The following CEP290 variants were observed in gnomAD, a reference collection of about 807,000 sequenced individuals.
CEP290 encodes the protein centrosomal protein of 290 kDa.
In CEP290, 317 loss-of-function variants were observed where a neutral mutation model predicts 344.9. That is an observed-to-expected ratio of 0.92 (90% CI 0.84 to 1.01). The LOEUF is 1.01. CEP290 is among the 50% of genes least tolerant of loss of function. CEP290 has a pLI of 0.00. For synonymous variants in CEP290, 932 were observed against 895.8 expected (o/e 1.04, Z -0.72); for missense variants, 2,754 against 2,761.4 (o/e 1.00, Z 0.06).
In CEP290 at chr12:88,090,567, C is replaced by T. The variant is rs577329808; in HGVS notation, c.3573+161G>A. Among the ~76,000 whole-genome samples the T allele has an allele frequency of 5.9e-5, 9 of 152,222 alleles. No homozygotes were observed. The East Asian group carries it at 1.7e-3, about 29-fold the overall frequency. ...ATCACCTGAACCCAGGTGGTGAAGGCTGCAATGAGCCTTGAATGTACCACT... is the reference window on the plus strand; with the variant it reads ...ATCACCTGAACCCAGGTGGTGAAGGTTGCAATGAGCCTTGAATGTACCACT... On this transcript the variant is annotated intron_variant, in intron 30 of 53. Transcript: ENST00000552810.
In CEP290 at chr12:88,060,075, A is replaced by G; in HGVS notation, c.6523-55T>C. 4.4e-6 allele frequency: 6 copies of G among 1,349,890 alleles called. No individual in the cohort carries two copies. In the South Asian group the frequency reaches 5.6e-5, roughly 13 times the overall value. 83.6% of individuals were successfully genotyped at this position (1,349,890 alleles called of 1,614,324 possible). The stretch of plus-strand genomic sequence containing the variant: ...ATACATTATCAAAACAAGGAAATAA[A>G]AGATAATCTTATAAACTCATAAATC... On this transcript the variant is annotated intron_variant, in intron 47 of 53. Transcript: ENST00000552810.
At chr12:88,062,406 A>G (rs2034545670) in intron 46 of CEP290, among the ~76,000 whole-genome samples, 1 of 152,220 alleles carries the variant, frequency 6.6e-6, no homozygotes, top group East Asian at 1.9e-4. Context: ...AGGACCAGTT[A>G]GCAGTTACCT....
Position 88,121,166 on chromosome 12 carries a change from C to A in CEP290, c.1190G>T (p.Gly397Val). Residue 397 changes from glycine to valine, a missense_variant and splice_region_variant, in exon 14 of 54, where the codon GGT becomes GTT. Gly to Val is a moderately radical substitution (Grantham distance 109). Transcript: ENST00000552810. ...AGTCTGTTGAGAAAGGGTTGAAGCA[C>A]CTACAGAGTAAAAACAAAAATCATG... ...DLKNELQRNKGASTLSQQTHM... is the reference protein window; with the variant it reads ...DLKNELQRNKVASTLSQQTHM... 6.2e-7 allele frequency: 1 copy of A among 1,606,894 alleles called. No homozygotes were observed. Among genetic ancestry groups the A allele is most frequent in the Non-Finnish European group, 8.5e-7 (1 of 1,177,464 alleles).
chr12:88,108,229 T>C (rs548565278), intron 23 of CEP290, among the ~76,000 whole-genome samples: 1 of 152,310 alleles, frequency 6.6e-6, no homozygotes, highest in South Asian at 2.1e-4. Context: ...TATCATTCTC[T>C]TTGCAACTGA....
At chr12:88,111,544 AT>A in intron 21 of CEP290, 149 bp downstream of exon 21, 1 of 839,940 alleles carries the variant, frequency 1.2e-6, no homozygotes, top group Non-Finnish European at 1.7e-6. Flanking sequence ...TCCACTTATA[AT>A]TTTATAAGAG....
intron 18 of CEP290, chr12:88,116,128 T>A (rs144989691): frequency 7.6e-6 from 7 of 915,958 alleles, no homozygotes; most frequent in Middle Eastern, 5.6e-4. Flanking sequence ...GATGAATTGC[T>A]TTTTTGTACA....
chr12:88,089,085 T>C lies in CEP290; in HGVS notation c.3976A>G (p.Lys1326Glu), dbSNP rs377156725. The C allele has an allele frequency of 8.0e-5, 123 of 1,541,706 alleles. No individual in the cohort carries two copies. Among genetic ancestry groups the C allele is most frequent in the Non-Finnish European group, 1.0e-4 (115 of 1,149,218 alleles). Residue 1326 changes from lysine to glutamate, a missense_variant, in exon 31 of 54, where the codon AAG (lysine) becomes GAG (glutamate). Physicochemically the swap from Lys to Glu is moderately conservative, Grantham distance 56. Transcript: ENST00000552810. ...NKTLEMELKL[K>E]GLEELISTLK... ...GTGCTTATTAACTCTTCCAGGCCCT[T>C]TAATTTTAATTCCATCTCCAATGTT... is the stretch of plus-strand genomic sequence containing the variant.
intron 27 of CEP290, among the ~76,000 whole-genome samples, chr12:88,095,255 G>A (rs2037344501): frequency 6.6e-6 from 1 of 152,008 alleles, no homozygotes; most frequent in Non-Finnish European, 1.5e-5. Context: ...TATGTTTTTG[G>A]GTTTGGAGTT....
intron 50 of CEP290, among the ~76,000 whole-genome samples, chr12:88,054,926 G>A (rs1006279954): frequency 1.3e-5 from 2 of 152,126 alleles, no homozygotes; most frequent in South Asian, 2.1e-4. Flanking sequence ...AGGACTTGAC[G>A]CTTAAACGAG....
At chr12:88,113,768 A>T (rs908801892) in intron 20 of CEP290, among the ~76,000 whole-genome samples, 1 of 151,946 alleles carries the variant, frequency 6.6e-6, no homozygotes, top group African/African-American at 2.4e-5. Flanking sequence ...GTGATGGCTA[A>T]ATCTTTCTTG....
At chr12:88,110,283 C>T (rs535249761) in intron 22 of CEP290, among the ~76,000 whole-genome samples, 29 of 152,136 alleles carry the variant, frequency 1.9e-4, no homozygotes, top group Non-Finnish European at 3.1e-4. Flanking sequence ...ACATTCATAA[C>T]GACCATTATA....
chr12:88,125,129 GAAAAT>G (rs971010854), intron 13 of CEP290, 112 bp downstream of exon 13: 1 of 353,686 alleles, frequency 2.8e-6, no homozygotes, highest in African/African-American at 2.1e-5. Context: ...ACAATTTTTT[GAAAAT>G]ATAAAATTCA....
intron 50 of CEP290, among the ~76,000 whole-genome samples, chr12:88,054,829 C>T (rs923224176): frequency 3.9e-5 from 6 of 152,058 alleles, no homozygotes; most frequent in African/African-American, 1.4e-4. Context: ...CTCTAAGGAG[C>T]CTCTATTTCA....
chr12:88,098,723 A>C (rs936593667), intron 26 of CEP290, among the ~76,000 whole-genome samples: 1 of 152,190 alleles, frequency 6.6e-6, no homozygotes, highest in African/African-American at 2.4e-5. Context: ...CCACCAAATA[A>C]TTGATATTTA....
intron 10 of CEP290, 72 bp from the exon 11 acceptor site, chr12:88,129,107 A>G (rs1412931396): frequency 4.4e-6 from 3 of 678,260 alleles, no homozygotes; most frequent in South Asian, 2.6e-5. Flanking sequence ...GCATATTTAC[A>G]TATACATTAT....
chr12:88,076,481 C>T (rs2035781533), intron 41 of CEP290, among the ~76,000 whole-genome samples: 1 of 152,000 alleles, frequency 6.6e-6, no homozygotes, highest in South Asian at 2.1e-4. Flanking sequence ...TGATTTTCTT[C>T]AATGGCAAAT....
At chr12:88,055,849 A>G (rs1246725516) in intron 49 of CEP290, 132 bp from the exon 50 acceptor site, 12 of 664,180 alleles carry the variant, frequency 1.8e-5, no homozygotes, top group African/African-American at 3.8e-5. Flanking sequence ...TCAAAGTTTT[A>G]GCTACATATT....
intron 28 of CEP290, among the ~76,000 whole-genome samples, chr12:88,093,110 C>T (rs1029339694): frequency 1.3e-5 from 2 of 152,024 alleles, no homozygotes; most frequent in Non-Finnish European, 2.9e-5. Flanking sequence ...TCTTACTTTG[C>T]TTAGAATGCA....
intron 53 of CEP290, 162 bp from the exon 54 acceptor site, chr12:88,049,576 A>G (rs1565776278): frequency 7.5e-6 from 4 of 535,928 alleles, no homozygotes; most frequent in East Asian, 3.3e-5. Flanking sequence ...TCCATTGTAC[A>G]GTGTAAATAA....
Sources: gnomAD v4.1 joint callset for allele counts (sites outside exome capture counted in the v4.1 genomes callset) on GRCh38, gnomAD v4.1.1 for gene constraint, MANE v1.5 for transcripts, NCBI Gene and HGNC (gene_info 2026-07-23, HGNC 2026-07-21) for gene names.